ZNF423: variants seen among roughly 807,000 people sequenced by gnomAD.
ZNF423 encodes Ebf-associated zinc finger protein.
In ZNF423, 12 loss-of-function variants were observed where a neutral mutation model predicts 95.8. The ratio of observed to expected loss-of-function variants is 0.13; its 90% CI spans 0.08 to 0.20. The LOEUF is 0.20. ZNF423 is among the 10% of genes least tolerant of loss of function. The pLI is 1.00. For synonymous variants in ZNF423, 749 were observed against 711.9 expected (o/e 1.05, Z -0.83); for missense variants, 1,316 against 1,737.1 (o/e 0.76, Z 4.31).
intron 5 of ZNF423, among the ~76,000 whole-genome samples, chr16:49,601,195 C>A (rs1486088792): frequency 6.6e-6 from 1 of 152,154 alleles, no homozygotes; most frequent in Non-Finnish European, 1.5e-5. Context: ...AAATTGGGGA[C>A]AATGTGGCAT....
At chr16:49,549,707 G>C (rs1270629181) in intron 5 of ZNF423, among the ~76,000 whole-genome samples, 3 of 152,160 alleles carry the variant, frequency 2.0e-5, no homozygotes, top group Non-Finnish European at 4.4e-5. Context: ...TTTGTGCTGG[G>C]AACTACTGTT....
chr16:49,544,670 C>A (rs915323483), intron 5 of ZNF423, among the ~76,000 whole-genome samples: 1 of 152,202 alleles, frequency 6.6e-6, no homozygotes, highest in East Asian at 1.9e-4. Flanking sequence ...GCAGAGAGGG[C>A]GTTCCAGGGG....
At chr16:49,857,203 C>A (rs1321278355), upstream of ZNF423, among the ~76,000 whole-genome samples, 1 of 150,546 alleles carries the variant, frequency 6.6e-6, no homozygotes, top group Non-Finnish European at 1.5e-5. This position sits in a 1 kb window ranked among gnomAD's most constrained non-coding sequence, Gnocchi z 6.2. Context: ...TGGGGCGCCC[C>A]GCACTGCTCC....
intron 2 of ZNF423, among the ~76,000 whole-genome samples, chr16:49,766,501 C>T (rs537365052): frequency 1.4e-3 from 220 of 152,354 alleles, no homozygotes; most frequent in Middle Eastern, 3.4e-3. Flanking sequence ...TCCTCACCCA[C>T]GCTTTTTCCA....
At chr16:49,772,818 G>A (rs1399728371) in intron 2 of ZNF423, among the ~76,000 whole-genome samples, 1 of 152,196 alleles carries the variant, frequency 6.6e-6, no homozygotes, top group African/African-American at 2.4e-5. Flanking sequence ...ATCACAGGTT[G>A]TATTAGTCCA....
chr16:49,834,468 G>A (rs936547988), intron 1 of ZNF423, among the ~76,000 whole-genome samples: 6 of 152,170 alleles, frequency 3.9e-5, no homozygotes, highest in African/African-American at 1.2e-4. Flanking sequence ...ATTTGACCCC[G>A]GCTCCAGCCT....
chr16:49,647,611 T>A (rs190358515), intron 3 of ZNF423, among the ~76,000 whole-genome samples: 220 of 152,200 alleles, frequency 1.4e-3, no homozygotes, highest in Non-Finnish European at 1.9e-3. Flanking sequence ...CAGCAATTAC[T>A]AGTATTGAAG....
At chr16:49,819,438 A>C (rs575806407) in intron 1 of ZNF423, among the ~76,000 whole-genome samples, 1 of 151,940 alleles carries the variant, frequency 6.6e-6, no homozygotes, top group Non-Finnish European at 1.5e-5. Context: ...TAGTAATCAT[A>C]GGCTCATCCA....
At chr16:49,794,607 AG>A (rs2034470540) in intron 1 of ZNF423, among the ~76,000 whole-genome samples, 1 of 152,206 alleles carries the variant, frequency 6.6e-6, no homozygotes, top group South Asian at 2.1e-4. Context: ...AAGGCTCTGG[AG>A]TGGCCCAGGT....
intron 3 of ZNF423, among the ~76,000 whole-genome samples, chr16:49,694,260 G>C (rs1391152453): frequency 6.6e-6 from 1 of 152,138 alleles, no homozygotes; most frequent in Non-Finnish European, 1.5e-5. Context: ...TACTCAGCTT[G>C]GTATCACCAA....
intron 3 of ZNF423, among the ~76,000 whole-genome samples, chr16:49,663,602 T>C (rs549267120): frequency 3.2e-4 from 48 of 152,074 alleles, no homozygotes; most frequent in Non-Finnish European, 5.4e-4. Flanking sequence ...GTGCAGGAAG[T>C]GGGACAGACA....
In ZNF423 at chr16:49,619,985, C is replaced by T. The variant is rs151059936; in HGVS notation, c.3601+6185G>A. Among the ~76,000 whole-genome samples, 8 of 152,204 alleles carry T rather than the reference C, an allele frequency of 5.3e-5. No homozygotes were observed. The South Asian group carries it at 1.0e-3, about 20-fold the overall frequency. On this transcript the variant is annotated intron_variant, in intron 5 of 7. Transcript: ENST00000563137. Reference sequence around the variant, plus strand: ...AATGCTGCAGGCTGGGCCTTCAGCACGGGGCCAGGGTCCAAATGGCAGCTT... The same window carrying T: ...AATGCTGCAGGCTGGGCCTTCAGCATGGGGCCAGGGTCCAAATGGCAGCTT...
At chr16:49,853,450 G>C (rs1048307875) in intron 1 of ZNF423, among the ~76,000 whole-genome samples, 17 of 152,110 alleles carry the variant, frequency 1.1e-4, no homozygotes, top group African/African-American at 3.4e-4. Flanking sequence ...AGGTAAAATG[G>C]TGAGAGACAA....
At chr16:49,634,114 G>T (rs567943502) in intron 4 of ZNF423, among the ~76,000 whole-genome samples, 2 of 151,460 alleles carry the variant, frequency 1.3e-5, no homozygotes, top group East Asian at 3.9e-4. Context: ...CACCGTGTTG[G>T]CCAGGATGGT....
At chr16:49,682,029 A>G (rs1467992345) in intron 3 of ZNF423, among the ~76,000 whole-genome samples, 1 of 126,992 alleles carries the variant, frequency 7.9e-6, no homozygotes, top group African/African-American at 3.1e-5. Flanking sequence ...GCCTCCCCTC[A>G]TCCTTCCTCC....
chr16:49,656,703 G>A (rs914655325), intron 3 of ZNF423, among the ~76,000 whole-genome samples: 2 of 152,082 alleles, frequency 1.3e-5, no homozygotes, highest in South Asian at 2.1e-4. Context: ...GCATATGTAC[G>A]TATAGGTCTA....
At chr16:49,725,287 C>T (rs1040108137) in intron 3 of ZNF423, among the ~76,000 whole-genome samples, 1 of 152,010 alleles carries the variant, frequency 6.6e-6, no homozygotes, top group East Asian at 1.9e-4. Context: ...GAGGCTGAGG[C>T]GGGAGGATCG....
intron 5 of ZNF423, among the ~76,000 whole-genome samples, chr16:49,615,414 T>C (rs2151849843): frequency 6.6e-6 from 1 of 152,078 alleles, no homozygotes; most frequent in Middle Eastern, 3.4e-3. Context: ...TCTGGACACC[T>C]AGAGGGGAAG....
chr16:49,706,589 C>A (rs2032358364), intron 3 of ZNF423, among the ~76,000 whole-genome samples: 1 of 152,262 alleles, frequency 6.6e-6, no homozygotes, highest in African/African-American at 2.4e-5. Context: ...TGCCACCAAA[C>A]ACAGAATCCA....
Sources: allele counts gnomAD v4.1 joint callset (sites outside exome capture counted in the v4.1 genomes callset), GRCh38; gene constraint gnomAD v4.1.1; non-coding constraint Gnocchi (gnomAD v3.1); transcripts MANE v1.5; gene names NCBI Gene and HGNC (gene_info 2026-07-23, HGNC 2026-07-21).